The following AGBL2 variants were observed in gnomAD, a reference collection of about 807,000 sequenced individuals.
AGBL2 encodes the protein cytosolic carboxypeptidase 2.
In AGBL2, 87 loss-of-function variants were observed where a neutral mutation model predicts 103.0. That is an observed-to-expected ratio of 0.84 (90% confidence interval 0.71 to 1.01). The LOEUF is 1.01. Among genes scored for constraint, AGBL2 ranks in the 50% least tolerant of loss-of-function variants. AGBL2 has a pLI of 0.00. For synonymous variants in AGBL2, 335 were observed against 356.7 expected, an observed-to-expected ratio of 0.94 and a Z score of 0.69; for missense variants, 904 against 1,023.5, an observed-to-expected ratio of 0.88 and a Z score of 1.59.
intron 8 of AGBL2, 42 bp downstream of exon 8, chr11:47,699,404 T>C: frequency 1.9e-6 from 2 of 1,064,808 alleles, no homozygotes; most frequent in Non-Finnish European, 2.8e-6. Context: ...TATTATAACT[T>C]TGTCATGATT....
intron 14 of AGBL2, among the ~76,000 whole-genome samples, chr11:47,671,580 G>A (rs529997638): frequency 6.6e-6 from 1 of 152,110 alleles, no homozygotes; most frequent in South Asian, 2.1e-4. Context: ...CACAGAGCTC[G>A]AATCACATGG....
At chr11:47,670,312 T>C (rs941674409) in intron 14 of AGBL2, among the ~76,000 whole-genome samples, 2 of 152,088 alleles carry the variant, frequency 1.3e-5, no homozygotes, top group Admixed American at 6.6e-5. Flanking sequence ...CGTCGCTGTA[T>C]CTACAAAAAA....
At chr11:47,666,848 G>C (rs1448412429) in intron 17 of AGBL2, 108 bp downstream of exon 17, 1 of 765,474 alleles carries the variant, frequency 1.3e-6, no homozygotes, top group East Asian at 2.7e-5. Flanking sequence ...GCACTGTCAG[G>C]TTAGGGTAAC....
chr11:47,709,771 T>C (rs2097531815), intron 4 of AGBL2, among the ~76,000 whole-genome samples: 1 of 152,096 alleles, frequency 6.6e-6, no homozygotes, highest in Non-Finnish European at 1.5e-5. Flanking sequence ...TATGTTTCTG[T>C]AGAGACAGAG....
intron 14 of AGBL2, among the ~76,000 whole-genome samples, chr11:47,672,379 A>C (rs774721816): frequency 6.6e-6 from 1 of 151,968 alleles, no homozygotes; most frequent in Non-Finnish European, 1.5e-5. Flanking sequence ...CAGTAGTGCA[A>C]TCTTGACTCA....
chr11:47,696,398 G>C (rs1284552037), intron 8 of AGBL2, among the ~76,000 whole-genome samples: 1 of 151,850 alleles, frequency 6.6e-6, no homozygotes, highest in Non-Finnish European at 1.5e-5. Flanking sequence ...AAGTAGCTGG[G>C]ACTACAGGTG....
chr11:47,708,593 G>A (rs2097528111), intron 4 of AGBL2, among the ~76,000 whole-genome samples: 1 of 147,732 alleles, frequency 6.8e-6, no homozygotes, highest in Admixed American at 6.7e-5. Flanking sequence ...AGGCAGGCGG[G>A]TCGCGAGGTC....
intron 13 of AGBL2, 50 bp downstream of exon 13, chr11:47,679,923 T>G: frequency 1.1e-5 from 13 of 1,223,596 alleles, no homozygotes; most frequent in East Asian, 2.4e-5. Context: ...ATTACAGGTG[T>G]GAGCCACCAT....
At position 47,714,661 on chromosome 11, in the gene AGBL2, G is replaced by C; in HGVS notation, c.-11C>G. The C allele has an allele frequency of 6.2e-7, 1 of 1,613,824 alleles. No individual in the cohort carries two copies. Among genetic ancestry groups the C allele is most frequent in the Non-Finnish European group, 8.5e-7 (1 of 1,179,902 alleles). ...CAAAGCTGGGAACATGTTACTTCTG[G>C]ATGGTAGGCTGAAAACTAGTCAGTG... On this transcript the variant is annotated 5_prime_UTR_variant, in exon 2 of 19. It adds an upstream start codon to the 5' untranslated region. Coordinates refer to ENST00000525123, the MANE Select transcript of AGBL2 (RefSeq NM_024783.4).
At chr11:47,703,925 CAA>C (rs372708144) in intron 7 of AGBL2, among the ~76,000 whole-genome samples, 1 of 85,460 alleles carries the variant, frequency 1.2e-5, no homozygotes, top group Non-Finnish European at 2.1e-5. Flanking sequence ...AAGTCAGTCT[CAA>C]AAAAAAAAAA....
chr11:47,690,971 C>A, intron 9 of AGBL2, 113 bp from the exon 10 acceptor site: 1 of 831,084 alleles, frequency 1.2e-6, no homozygotes, highest in Non-Finnish European at 1.8e-6. Flanking sequence ...ACAGAAAAAT[C>A]TGCTACCTTA....
chr11:47,668,793 G>A (rs781712490), intron 15 of AGBL2, 48 bp downstream of exon 15: 2 of 1,463,150 alleles, frequency 1.4e-6, no homozygotes, highest in South Asian at 2.3e-5. Flanking sequence ...GTAGTGTCAT[G>A]ACTTTTTTTT....
At position 47,660,102 on chromosome 11, in the gene AGBL2, TC is replaced by T. The variant is rs2097324234; in HGVS notation, c.*70del. On this transcript the variant is annotated 3_prime_UTR_variant, in exon 19 of 19. Transcript: ENST00000525123. ...TAAATGCAGTTCCCAGTCATACATC[TC>T]CCCCATTATAAAATGTGTCTAATCT... The T allele has an allele frequency of 6.7e-7, 1 of 1,488,108 alleles. No homozygotes were observed. The highest frequency in any genetic ancestry group is 9.1e-7 in the Non-Finnish European group (1 of 1,095,132). 92.2% of individuals were successfully genotyped at this position (1,488,108 alleles called of 1,614,324 possible).
chr11:47,679,983 T>C lies in AGBL2; in HGVS notation c.2006A>G (p.Asp669Gly). Residue 669 changes from aspartate to glycine, a missense_variant, in exon 13 of 19, where the codon GAC (aspartate) becomes GGC (glycine). Physicochemically the swap from Asp to Gly is moderately conservative, Grantham distance 94 (BLOSUM62 -1). Coordinates refer to ENST00000525123, the MANE Select transcript of AGBL2 (RefSeq NM_024783.4). The part of the protein sequence containing the change: ...CDTLLDFCDP[D>G]QMKFTQCLAE... ...AAACCCCATTTTTACCTTCATTTGGTCAGGATCACAAAAGTCCAGAAGGGT... is the reference window on the plus strand; with the variant it reads ...AAACCCCATTTTTACCTTCATTTGGCCAGGATCACAAAAGTCCAGAAGGGT... 3 of 1,606,556 alleles carry C rather than the reference T, an allele frequency of 1.9e-6. No homozygotes were observed. The highest frequency in any genetic ancestry group is 2.6e-6 in the Non-Finnish European group (3 of 1,174,086).
chr11:47,707,656 T>C (rs547454003), intron 4 of AGBL2, among the ~76,000 whole-genome samples: 1 of 152,334 alleles, frequency 6.6e-6, no homozygotes, highest in South Asian at 2.1e-4. Context: ...CACCAGCTAT[T>C]GCCAAATTGC....
At chr11:47,711,385 C>A (rs1375013371) in intron 3 of AGBL2, among the ~76,000 whole-genome samples, 1 of 152,188 alleles carries the variant, frequency 6.6e-6, no homozygotes, top group African/African-American at 2.4e-5. Context: ...CATAAGACAA[C>A]CTTTCTTCAG....
At chr11:47,674,571 A>G (rs992952125) in intron 14 of AGBL2, among the ~76,000 whole-genome samples, 129 of 147,762 alleles carry the variant, frequency 8.7e-4, no homozygotes, top group Admixed American at 2.8e-3. Context: ...CGTCTCAAAA[A>G]AAAAAAAAAA....
chr11:47,673,687 G>A (rs761827692), intron 14 of AGBL2, among the ~76,000 whole-genome samples: 10 of 151,260 alleles, frequency 6.6e-5, no homozygotes, highest in African/African-American at 1.5e-4. Flanking sequence ...CCAGCTACTC[G>A]GGAGACTGAG....
intron 7 of AGBL2, 76 bp downstream of exon 7, chr11:47,704,467 A>G (rs1264760735): frequency 2.2e-5 from 28 of 1,278,732 alleles, no homozygotes; most frequent in East Asian, 2.3e-5. Context: ...TGGGAAATAG[A>G]GTGAGACTTC....
Sources: allele counts gnomAD v4.1 joint callset (sites outside exome capture counted in the v4.1 genomes callset), GRCh38; gene constraint gnomAD v4.1.1; transcripts MANE v1.5; gene names NCBI Gene and HGNC (gene_info 2026-07-23, HGNC 2026-07-21).